JAM3: variants seen among roughly 807,000 people sequenced by gnomAD.
JAM3 encodes junctional adhesion molecule 3.
In JAM3, 31 loss-of-function variants were observed where a neutral mutation model predicts 39.4. The observed-to-expected ratio is 0.79, with a 90% confidence interval of 0.59 to 1.06. JAM3 has a LOEUF of 1.06. Ranked by LOEUF, JAM3 falls within the 50% of genes least tolerant of loss-of-function variation. The pLI, the probability that JAM3 is intolerant of heterozygous loss-of-function variation, is 0.00. For synonymous variants in JAM3, 182 were observed against 148.7 expected (o/e 1.22, Z -1.63); for missense variants, 455 against 391.4 (o/e 1.16, Z -1.37).
chr11:134,069,706 A>G (rs1398752014), intron 1 of JAM3, among the ~76,000 whole-genome samples: 1 of 152,152 alleles, frequency 6.6e-6, no homozygotes, highest in Non-Finnish European at 1.5e-5. Flanking sequence ...GACCCTGCGC[A>G]GCAGTGCTGT....
chr11:134,119,244 G>A (rs1027589815), intron 1 of JAM3, among the ~76,000 whole-genome samples: 1 of 152,026 alleles, frequency 6.6e-6, no homozygotes, highest in Non-Finnish European at 1.5e-5. Flanking sequence ...TTGGTGGTTT[G>A]GGTTTGGAAA....
chr11:134,069,958 A>G (rs1295422515), intron 1 of JAM3, among the ~76,000 whole-genome samples: 1 of 152,208 alleles, frequency 6.6e-6, no homozygotes, highest in East Asian at 1.9e-4. Flanking sequence ...GGGGCATTTG[A>G]TCAAGACACA....
rs146521913 is a variant in JAM3, at chr11:134,077,389, G to A, written c.76+8230G>A. ...TTTTTTTTTTTTTTCTTGAGACAGA[G>A]TTTCGCTTTTGTTGCCCAGGCTGGA... On this transcript the variant is annotated intron_variant, in intron 1 of 8. Coordinates refer to ENST00000299106, the MANE Select transcript of JAM3 (RefSeq NM_032801.5). Among the ~76,000 whole-genome samples, 19 of 148,682 alleles carry A rather than the reference G, an allele frequency of 1.3e-4. No individual in the cohort carries two copies. The East Asian group carries it at 3.6e-3, about 28-fold the overall frequency.
chr11:134,089,291 TATC>T (rs1941799903), intron 1 of JAM3, among the ~76,000 whole-genome samples: 1 of 152,162 alleles, frequency 6.6e-6, no homozygotes, highest in African/African-American at 2.4e-5. Flanking sequence ...GATGTTTCAT[TATC>T]ATATCCTAGG....
chr11:134,104,727 C>T (rs1472052958), intron 1 of JAM3, among the ~76,000 whole-genome samples: 1 of 152,062 alleles, frequency 6.6e-6, no homozygotes, highest in Non-Finnish European at 1.5e-5. Context: ...CTATAAACAC[C>T]TCTATGCAAA....
chr11:134,072,659 G>A (rs777261744), intron 1 of JAM3, among the ~76,000 whole-genome samples: 3 of 152,110 alleles, frequency 2.0e-5, no homozygotes, highest in African/African-American at 4.8e-5. Context: ...AGTGGCTCAC[G>A]CCAGCACTTT....
intron 1 of JAM3, among the ~76,000 whole-genome samples, chr11:134,138,339 C>T (rs1942909391): frequency 6.8e-6 from 1 of 146,186 alleles, no homozygotes; most frequent in Admixed American, 6.7e-5. Flanking sequence ...AGTCGTGGTG[C>T]TCATGCTGAG....
chr11:134,075,919 G>T (rs1298974161), intron 1 of JAM3, among the ~76,000 whole-genome samples: 2 of 151,612 alleles, frequency 1.3e-5, no homozygotes, highest in Admixed American at 1.3e-4. Flanking sequence ...AACCTCCTTT[G>T]TCATTTTTTC....
chr11:134,071,035 A>G (rs1941476977), intron 1 of JAM3, among the ~76,000 whole-genome samples: 1 of 152,062 alleles, frequency 6.6e-6, no homozygotes, highest in Non-Finnish European at 1.5e-5. Flanking sequence ...GCTTTAAGCT[A>G]CCCTAAAACT....
intron 1 of JAM3, among the ~76,000 whole-genome samples, chr11:134,122,703 G>A (rs979046962): frequency 6.6e-6 from 1 of 152,120 alleles, no homozygotes; most frequent in African/African-American, 2.4e-5. Flanking sequence ...ACATATAGGG[G>A]GCAGTTTGGA....
In JAM3 at chr11:134,144,957, A is replaced by G. The variant is rs1555120954; in HGVS notation, c.575A>G (p.Asn192Ser). ...TCCAGAGCCAATCCCAGATTTCGCA[A>G]TTCTTCTTTCCACTTAAACTCTGAA... is the stretch of plus-strand genomic sequence containing the variant. Reference protein sequence around the residue: ...TDSRANPRFRNSSFHLNSETG... With the variant: ...TDSRANPRFRSSSFHLNSETG... Residue 192 changes from asparagine (N) to serine (S), a missense_variant, in exon 5 of 9, where the codon AAT becomes AGT. Transcript: ENST00000299106. 4 of 1,614,194 alleles carry G rather than the reference A, an allele frequency of 2.5e-6. No individual in the cohort carries two copies. The highest frequency in any genetic ancestry group is 1.3e-5 in the African/African-American group (1 of 75,050).
chr11:134,141,134 C>T (rs964269112), intron 3 of JAM3, among the ~76,000 whole-genome samples: 2 of 152,012 alleles, frequency 1.3e-5, no homozygotes, highest in African/African-American at 4.8e-5. Context: ...TATGTTTCAG[C>T]AAGGGCACAG....
At chr11:134,078,536 C>T (rs1039545998) in intron 1 of JAM3, among the ~76,000 whole-genome samples, 6 of 152,180 alleles carry the variant, frequency 3.9e-5, no homozygotes, top group Non-Finnish European at 8.8e-5. Flanking sequence ...TCCCCGACTT[C>T]CTTGTGAGAC....
chr11:134,074,339 C>T (rs1241306805), intron 1 of JAM3, among the ~76,000 whole-genome samples: 2 of 152,142 alleles, frequency 1.3e-5, no homozygotes, highest in Admixed American at 6.6e-5. Context: ...AAAGTTGCAT[C>T]TTGGTTTGGC....
At chr11:134,125,195 G>A (rs899291744) in intron 1 of JAM3, among the ~76,000 whole-genome samples, 2 of 152,246 alleles carry the variant, frequency 1.3e-5, no homozygotes, top group African/African-American at 4.8e-5. Flanking sequence ...GCCGCTGCAC[G>A]GGCAGCCAAA....
intron 1 of JAM3, chr11:134,070,108 AGC>A (rs1941463733): frequency 1.8e-5 from 8 of 455,546 alleles, no homozygotes; most frequent in South Asian, 1.2e-4. Flanking sequence ...GGCACTTTGG[AGC>A]CATTATCTCG....
intron 1 of JAM3, among the ~76,000 whole-genome samples, chr11:134,102,150 A>G (rs930451460): frequency 6.6e-6 from 1 of 152,206 alleles, no homozygotes; most frequent in African/African-American, 2.4e-5. Context: ...GCACAGTAAC[A>G]TACCCAACGT....
intron 1 of JAM3, chr11:134,124,361 G>A (rs1591796112): frequency 4.3e-6 from 3 of 696,506 alleles, no homozygotes; most frequent in East Asian, 5.0e-5. Flanking sequence ...GTGCGTGTGA[G>A]TGTGATGGGA....
chr11:134,148,847 G>T (rs1368863574), intron 8 of JAM3, 29 bp downstream of exon 8: 6 of 1,609,944 alleles, frequency 3.7e-6, no homozygotes, highest in Non-Finnish European at 5.1e-6. Flanking sequence ...TGGAAACCTA[G>T]GTGTACCCAG....
Sources: gnomAD v4.1 joint callset for allele counts (sites outside exome capture counted in the v4.1 genomes callset) on GRCh38, gnomAD v4.1.1 for gene constraint, MANE v1.5 for transcripts, NCBI Gene and HGNC (gene_info 2026-07-23, HGNC 2026-07-21) for gene names.